SLC9D1: variants seen among roughly 807,000 people sequenced by gnomAD.
SLC9D1 encodes putative LAG1-interacting protein.
the SLC9D1 span, chr13:113,549,678 T>G: frequency 1.0e-6 from 1 of 992,610 alleles, no homozygotes; most frequent in South Asian, 1.3e-5. Flanking sequence ...AGTCGTGTTA[T>G]CCCGGCTTTT....
the SLC9D1 span, chr13:113,547,278 G>A: frequency 1.2e-4 from 197 of 1,600,914 alleles, 1 homozygote; most frequent in South Asian, 1.6e-3. Flanking sequence ...CGGTCGTAAC[G>A]TGTCTGTCCT....
the SLC9D1 span, among the ~76,000 whole-genome samples, chr13:113,545,203 G>GGCA: frequency 6.6e-6 from 1 of 152,200 alleles, no homozygotes; most frequent in East Asian, 1.9e-4. Context: ...CCCTGAACCA[G>GGCA]GCACATACCT....
the SLC9D1 span, chr13:113,547,064 G>C: frequency 1.9e-6 from 1 of 524,174 alleles, no homozygotes; most frequent in Non-Finnish European, 3.5e-6. Context: ...CTGTTGCAGG[G>C]AGTGGAGCTG....
chr13:113,545,323 C>T, the SLC9D1 span, among the ~76,000 whole-genome samples: 1 of 152,186 alleles, frequency 6.6e-6, no homozygotes, highest in African/African-American at 2.4e-5. Flanking sequence ...ATGTGGTGCT[C>T]CTGGGTGCTG....
the SLC9D1 span, among the ~76,000 whole-genome samples, chr13:113,506,498 C>G: frequency 2.0e-5 from 3 of 152,054 alleles, no homozygotes; most frequent in Non-Finnish European, 4.4e-5. Flanking sequence ...CAGTGTCCCA[C>G]GAGACTCCGT....
chr13:113,548,656 A>G, the SLC9D1 span, among the ~76,000 whole-genome samples: 1 of 152,230 alleles, frequency 6.6e-6, no homozygotes, highest in East Asian at 1.9e-4. Context: ...GTACTGCTTG[A>G]ACTATTGCAT....
At chr13:113,495,162 A>G in the SLC9D1 span, among the ~76,000 whole-genome samples, 1 of 152,246 alleles carries the variant, frequency 6.6e-6, no homozygotes, top group Non-Finnish European at 1.5e-5. Flanking sequence ...ACCAACATGG[A>G]CTCTCTTAAA....
At chr13:113,503,448 A>G in the SLC9D1 span, 13 of 1,458,688 alleles carry the variant, frequency 8.9e-6, no homozygotes, top group African/African-American at 1.5e-4. Flanking sequence ...AGTATACTTA[A>G]TATGTTAAAC....
the SLC9D1 span, chr13:113,539,620 T>C: frequency 8.5e-7 from 1 of 1,176,812 alleles, no homozygotes; most frequent in Non-Finnish European, 1.2e-6. The surrounding 1 kb of genome is among the most constrained non-coding windows in gnomAD (Gnocchi z 4.8). Flanking sequence ...TCTTAAAAAT[T>C]AAGTGTATTC....
the SLC9D1 span, chr13:113,536,455 G>T: frequency 2.2e-6 from 1 of 448,764 alleles, no homozygotes; most frequent in African/African-American, 2.1e-5. Context: ...GCTTCTGGTT[G>T]TAGTGATTTT....
the SLC9D1 span, among the ~76,000 whole-genome samples, chr13:113,493,117 AG>A: frequency 6.6e-6 from 1 of 152,192 alleles, no homozygotes; most frequent in East Asian, 1.9e-4. Flanking sequence ...TCATGTTATG[AG>A]TATGTTTCAG....
the SLC9D1 span, among the ~76,000 whole-genome samples, chr13:113,521,095 A>G: frequency 6.6e-6 from 1 of 151,954 alleles, no homozygotes; most frequent in African/African-American, 2.4e-5. Context: ...ATGCATGTGT[A>G]TGTGTGCACG....
the SLC9D1 span, among the ~76,000 whole-genome samples, chr13:113,530,994 C>T: frequency 1.3e-5 from 2 of 152,134 alleles, no homozygotes; most frequent in African/African-American, 4.8e-5. Context: ...AGTGGGGTAC[C>T]TTGGGCATCA....
At chr13:113,501,985 C>T in the SLC9D1 span, 24 of 895,784 alleles carry the variant, frequency 2.7e-5, no homozygotes, top group Middle Eastern at 3.3e-4. Context: ...ATACCAGCTT[C>T]GTATAAACCA....
the SLC9D1 span, among the ~76,000 whole-genome samples, chr13:113,492,767 G>A: frequency 2.0e-5 from 3 of 152,220 alleles, no homozygotes; most frequent in East Asian, 3.9e-4. Context: ...GTGTGGTGGC[G>A]AGCGCCTGTA....
At chr13:113,518,500 C>G in the SLC9D1 span, among the ~76,000 whole-genome samples, 1 of 152,200 alleles carries the variant, frequency 6.6e-6, no homozygotes, top group Admixed American at 6.5e-5. Context: ...CAAAGGCTAT[C>G]TCTAAAAAGT....
chr13:113,501,850 T>G, the SLC9D1 span: 1 of 1,612,062 alleles, frequency 6.2e-7, no homozygotes, highest in South Asian at 1.1e-5. Context: ...GTGGTGTACT[T>G]CTGGGACCTT....
chr13:113,531,548 G>A, the SLC9D1 span, among the ~76,000 whole-genome samples: 51 of 147,774 alleles, frequency 3.5e-4, 1 homozygote, highest in African/African-American at 1.2e-3. Context: ...AGCAGCACAC[G>A]CGTGGACCTG....
At chr13:113,509,049 T>G in the SLC9D1 span, among the ~76,000 whole-genome samples, 1 of 130,630 alleles carries the variant, frequency 7.7e-6, no homozygotes, top group Non-Finnish European at 1.6e-5. Context: ...TGACACTGCC[T>G]GTGTATGTTG....
Sources: allele counts gnomAD v4.1 joint callset (sites outside exome capture counted in the v4.1 genomes callset), GRCh38; gene constraint gnomAD v4.1.1; non-coding constraint Gnocchi (gnomAD v3.1); transcripts MANE v1.5; gene names NCBI Gene and HGNC (gene_info 2026-07-23, HGNC 2026-07-21).